Variants in SEMA3A observed in about 807,000 individuals in gnomAD.
SEMA3A encodes the protein semaphorin 3A.
Under a neutral mutation model 97.9 loss-of-function variants are expected in SEMA3A, and 29 were observed. That is an observed-to-expected ratio of 0.30 (90% CI 0.22 to 0.40). SEMA3A has a LOEUF of 0.40. Among genes scored for constraint, SEMA3A ranks in the 10% least tolerant of loss-of-function variants. The pLI, the probability that SEMA3A is intolerant of heterozygous loss-of-function variation, is 1.00. For synonymous variants in SEMA3A, 321 were observed against 323.7 expected, an observed-to-expected ratio of 0.99 and a Z score of 0.09; for missense variants, 763 against 951.3, an observed-to-expected ratio of 0.80 and a Z score of 2.60.
intron 1 of SEMA3A, among the ~76,000 whole-genome samples, chr7:84,373,363 C>T (rs1212840720): frequency 6.6e-6 from 1 of 152,116 alleles, no homozygotes; most frequent in Non-Finnish European, 1.5e-5. Context: ...ACTTCATCAG[C>T]GTTACATGGA....
At position 83,956,390 on chromosome 7, in the gene SEMA3A, T is replaced by G. The variant is rs1788277769; in HGVS notation, c.*4981A>C. Reference sequence around the variant, plus strand: ...TCTGATGAAGTTAGCTTCCTCTAAATATTTATTTGTAGAATTCAGAGTTTC... The same window carrying G: ...TCTGATGAAGTTAGCTTCCTCTAAAGATTTATTTGTAGAATTCAGAGTTTC... On this transcript the variant is annotated 3_prime_UTR_variant, in exon 17 of 17. Transcript: ENST00000265362. 6.6e-6 allele frequency: 1 copy of G among 152,190 alleles called. No homozygotes were observed. The highest frequency in any genetic ancestry group is 6.5e-5 in the Admixed American group (1 of 15,274). 9.4% of individuals were successfully genotyped at this position (152,190 alleles called of 1,614,324 possible).
chr7:83,987,696 C>T (rs1036954823), intron 12 of SEMA3A, among the ~76,000 whole-genome samples: 35 of 152,258 alleles, frequency 2.3e-4, no homozygotes, highest in African/African-American at 7.7e-4. Flanking sequence ...TACCAATGTT[C>T]CTCTTTCTCT....
chr7:84,358,185 G>C (rs1321195622), intron 2 of SEMA3A, among the ~76,000 whole-genome samples: 1 of 152,080 alleles, frequency 6.6e-6, no homozygotes, highest in East Asian at 1.9e-4. Flanking sequence ...CATTGCTTTT[G>C]GTGCTTTAGA....
At chr7:84,256,768 C>G (rs1181921479) in intron 3 of SEMA3A, among the ~76,000 whole-genome samples, 1 of 151,970 alleles carries the variant, frequency 6.6e-6, no homozygotes, top group Non-Finnish European at 1.5e-5. Context: ...TATTTTTAAA[C>G]TTGTTTATGA....
intron 3 of SEMA3A, among the ~76,000 whole-genome samples, chr7:84,301,038 T>TA (rs1248315289): frequency 1.3e-5 from 2 of 152,172 alleles, no homozygotes; most frequent in Admixed American, 1.3e-4. Context: ...TTTTATGGAT[T>TA]AAAAAATTCA....
In SEMA3A at chr7:84,344,008, G is replaced by A. The variant is rs199957289; in HGVS notation, c.-169+27816C>T. ...GGGCAACTGAGTGACACTTTGTTTC[G>A]GGGAAAAAAAAAAAAGAAAATTTGT... On this transcript the variant is annotated intron_variant, in intron 2 of 3. Coordinates refer to the SEMA3A transcript ENST00000424555. Among the ~76,000 whole-genome samples the A allele has an allele frequency of 0.011, 1,613 of 147,932 alleles. 47 individuals are homozygous for A. The East Asian group carries it at 0.12, about 11-fold the overall frequency.
chr7:84,061,472 C>T (rs1237339518), intron 4 of SEMA3A, among the ~76,000 whole-genome samples: 2 of 152,066 alleles, frequency 1.3e-5, no homozygotes, highest in African/African-American at 4.8e-5. Flanking sequence ...CTTTTAAGAA[C>T]CAAGTGCCCT....
At chr7:84,104,404 C>G (rs1487322733) in intron 4 of SEMA3A, among the ~76,000 whole-genome samples, 2 of 152,040 alleles carry the variant, frequency 1.3e-5, no homozygotes, top group African/African-American at 4.8e-5. Context: ...ACTTCTATTT[C>G]TATCTGTCAC....
intron 1 of SEMA3A, among the ~76,000 whole-genome samples, chr7:84,162,383 C>A (rs374022015): frequency 3.3e-5 from 5 of 151,908 alleles, no homozygotes; most frequent in Non-Finnish European, 7.4e-5. Flanking sequence ...AGCAGCATGA[C>A]CAGCTAGAGT....
At chr7:84,273,464 G>T (rs1262673569) in intron 3 of SEMA3A, among the ~76,000 whole-genome samples, 3 of 152,066 alleles carry the variant, frequency 2.0e-5, no homozygotes, top group Admixed American at 2.0e-4. Context: ...ACATTTTAGC[G>T]CATGAATGCA....
At chr7:84,363,182 C>A (rs961201) in intron 2 of SEMA3A, among the ~76,000 whole-genome samples, 43,538 of 151,702 alleles carry the variant, frequency 0.29, 6,716 homozygotes, top group African/African-American at 0.38. Flanking sequence ...ATTTAAAATT[C>A]TATGCATCAA....
intron 4 of SEMA3A, among the ~76,000 whole-genome samples, chr7:84,065,585 G>T (rs537471314): frequency 6.7e-6 from 1 of 148,838 alleles, no homozygotes; most frequent in East Asian, 2.0e-4. Flanking sequence ...TGATAAAGGG[G>T]ATATCACCAC....
At chr7:84,359,156 C>T (rs1802647861) in intron 2 of SEMA3A, among the ~76,000 whole-genome samples, 1 of 152,088 alleles carries the variant, frequency 6.6e-6, no homozygotes, top group African/African-American at 2.4e-5. Context: ...ATTGCCCTGG[C>T]CAGAACTTCC....
intron 3 of SEMA3A, among the ~76,000 whole-genome samples, chr7:84,122,141 G>C (rs966129433): frequency 1.3e-5 from 2 of 151,704 alleles, no homozygotes; most frequent in African/African-American, 4.8e-5. Context: ...CCCACCAACA[G>C]TGTAAAACTG....
intron 1 of SEMA3A, among the ~76,000 whole-genome samples, chr7:84,460,248 C>A (rs1805794176): frequency 6.6e-6 from 1 of 152,030 alleles, no homozygotes; most frequent in South Asian, 2.1e-4. Context: ...AATAGAAAGG[C>A]AAATACATCA....
intron 7 of SEMA3A, among the ~76,000 whole-genome samples, chr7:84,012,067 T>C (rs1034557548): frequency 1.3e-5 from 2 of 152,112 alleles, no homozygotes; most frequent in Non-Finnish European, 2.9e-5. Flanking sequence ...AGAATGGTGG[T>C]TACCAGGGCC....
rs562757149 is a variant in SEMA3A, at chr7:84,401,195, C to G, written c.-245-29295G>C. Among the ~76,000 whole-genome samples the G allele has an allele frequency of 3.6e-4, 54 of 152,084 alleles. 1 individual carries two copies. In the South Asian group the frequency reaches 0.011, roughly 32 times the overall value. ...GTGTTACAAAATCAAAATACAAAAA[C>G]CAGCAGCATTTCTATATGCCAATAG... is the stretch of plus-strand genomic sequence containing the variant. On this transcript the variant is annotated intron_variant, in intron 1 of 3. Coordinates refer to the SEMA3A transcript ENST00000424555.
At chr7:84,387,451 A>G (rs1562928900) in intron 1 of SEMA3A, among the ~76,000 whole-genome samples, 1 of 152,212 alleles carries the variant, frequency 6.6e-6, no homozygotes, top group Non-Finnish European at 1.5e-5. Flanking sequence ...AGGAGAGGTG[A>G]AAAGGTTAGG....
intron 3 of SEMA3A, among the ~76,000 whole-genome samples, chr7:84,267,152 T>A (rs1800026535): frequency 6.6e-6 from 1 of 152,186 alleles, no homozygotes; most frequent in Non-Finnish European, 1.5e-5. Flanking sequence ...GAAATGTTTA[T>A]TGGAGCATTT....
Sources: gnomAD v4.1 joint callset for allele counts (sites outside exome capture counted in the v4.1 genomes callset) on GRCh38, gnomAD v4.1.1 for gene constraint, MANE v1.5 for transcripts, NCBI Gene and HGNC (gene_info 2026-07-23, HGNC 2026-07-21) for gene names.